RIC3: variants seen among roughly 807,000 people sequenced by gnomAD.
The protein encoded by RIC3 is RIC3 acetylcholine receptor chaperone, also known as protein RIC-3.
In RIC3, 28 loss-of-function variants were observed where a neutral mutation model predicts 27.3. The ratio of observed to expected loss-of-function variants is 1.02; its 90% CI spans 0.76 to 1.41. The LOEUF is 1.41. Among genes scored for constraint, RIC3 ranks in the 40% most tolerant of loss-of-function variants. The pLI is 0.00. For missense variants in RIC3, 501 were observed against 444.7 expected, an observed-to-expected ratio of 1.13 and a Z score of -1.14; for synonymous variants, 184 against 160.4, an observed-to-expected ratio of 1.15 and a Z score of -1.11.
chr11:8,111,589 T>G (rs909339166), intron 5 of RIC3, among the ~76,000 whole-genome samples: 5 of 152,176 alleles, frequency 3.3e-5, no homozygotes, highest in Admixed American at 2.6e-4. Context: ...CTAAGCTCTT[T>G]GAAAAATACA....
downstream of RIC3, chr11:8,101,433 T>C: frequency 6.2e-7 from 1 of 1,608,050 alleles, no homozygotes; most frequent in South Asian, 1.1e-5. Context: ...CTTCCCTGGC[T>C]CTACCATTCC....
At chr11:8,159,458 G>A (rs1020213635) in intron 1 of RIC3, among the ~76,000 whole-genome samples, 1 of 152,100 alleles carries the variant, frequency 6.6e-6, no homozygotes, top group Non-Finnish European at 1.5e-5. Flanking sequence ...GAGGAGGGGA[G>A]AGATGTGAGT....
the RIC3 span, among the ~76,000 whole-genome samples, chr11:8,096,367 G>T: frequency 6.6e-6 from 1 of 152,220 alleles, no homozygotes; most frequent in Non-Finnish European, 1.5e-5. Flanking sequence ...ATACACAAGA[G>T]ACAGTGGTAG....
At chr11:8,145,327 G>A (rs1949566770) in intron 1 of RIC3, among the ~76,000 whole-genome samples, 1 of 151,916 alleles carries the variant, frequency 6.6e-6, no homozygotes, top group African/African-American at 2.4e-5. Flanking sequence ...TTCTCTATGG[G>A]GCCATAAGGT....
chr11:8,165,189 A>G (rs1212036728), intron 1 of RIC3, among the ~76,000 whole-genome samples: 1 of 152,216 alleles, frequency 6.6e-6, no homozygotes, highest in Non-Finnish European at 1.5e-5. Flanking sequence ...TTCCAAATGT[A>G]TACACTCAAG....
chr11:8,094,141 G>A, the RIC3 span: 4 of 1,613,994 alleles, frequency 2.5e-6, no homozygotes, highest in Non-Finnish European at 3.4e-6. Context: ...AGCTACAGCA[G>A]GGGGCCAGGG....
downstream of RIC3, chr11:8,101,460 C>A: frequency 1.9e-6 from 2 of 1,028,946 alleles, no homozygotes; most frequent in East Asian, 9.2e-5. Flanking sequence ...GTCCTTTTCT[C>A]TGTCTGTGCC....
intron 1 of RIC3, among the ~76,000 whole-genome samples, chr11:8,146,669 T>C (rs1246844268): frequency 6.6e-6 from 1 of 151,004 alleles, no homozygotes; most frequent in Admixed American, 6.6e-5. Flanking sequence ...TAGAGAGACA[T>C]GAGACTTCAA....
Position 8,107,032 on chromosome 11 carries a change from A to G in RIC3, c.*3666T>C, listed in dbSNP as rs1944741262. 1 of 152,168 alleles carries G rather than the reference A, an allele frequency of 6.6e-6. No homozygotes were observed. 9.4% of individuals were successfully genotyped at this position (152,168 alleles called of 1,614,324 possible). A position where few individuals can be genotyped will look rare whatever the true frequency, so the allele number is the denominator to read the frequency against. On this transcript the variant is annotated 3_prime_UTR_variant, in exon 6 of 6. Coordinates refer to ENST00000309737, the MANE Select transcript of RIC3 (RefSeq NM_001206671.4). Reference sequence around the variant, plus strand: ...GTAAATAGAGCATTATTCCCAATTCATGGGGAAACTGGTTCTCTGAGAGGT... The same window carrying G: ...GTAAATAGAGCATTATTCCCAATTCGTGGGGAAACTGGTTCTCTGAGAGGT...
At chr11:8,131,114 A>C (rs1003145017) in intron 4 of RIC3, among the ~76,000 whole-genome samples, 1 of 111,300 alleles carries the variant, frequency 9.0e-6, no homozygotes, top group Non-Finnish European at 1.8e-5. Context: ...TCATTCACTC[A>C]CTCACTCACT....
chr11:8,158,614 A>G (rs921641786), intron 1 of RIC3, among the ~76,000 whole-genome samples: 1 of 151,296 alleles, frequency 6.6e-6, no homozygotes, highest in African/African-American at 2.4e-5. Context: ...TACTCTGATC[A>G]AAGAAGAAGC....
intron 1 of RIC3, among the ~76,000 whole-genome samples, chr11:8,144,602 C>T (rs1204172327): frequency 5.3e-5 from 8 of 151,760 alleles, no homozygotes; most frequent in Non-Finnish European, 1.2e-4. Context: ...CTAGTTCAAC[C>T]ATTGTGGAAG....
intron 1 of RIC3, among the ~76,000 whole-genome samples, chr11:8,151,916 CAA>C (rs541424394): frequency 4.6e-4 from 37 of 81,058 alleles, no homozygotes; most frequent in Admixed American, 4.2e-4. Flanking sequence ...GACTCGGTCT[CAA>C]AAAAAAAAAA....
intron 1 of RIC3, among the ~76,000 whole-genome samples, chr11:8,167,087 C>A (rs1222118133): frequency 6.6e-6 from 1 of 152,158 alleles, no homozygotes. Flanking sequence ...CTAGGTTATA[C>A]TACTTCAGTA....
chr11:8,128,879 C>T (rs111664026), intron 4 of RIC3, among the ~76,000 whole-genome samples: 6,295 of 151,396 alleles, frequency 0.042, 158 homozygotes, highest in Middle Eastern at 0.082. Flanking sequence ...CTCAGCCTCC[C>T]GCATAGCTGG....
chr11:8,145,254 AG>A (rs1185137896), intron 1 of RIC3, among the ~76,000 whole-genome samples: 19 of 152,144 alleles, frequency 1.2e-4, no homozygotes, highest in African/African-American at 4.6e-4. Context: ...AAAGAGAACT[AG>A]AAACTGGAAA....
intron 4 of RIC3, chr11:8,135,592 A>G (rs1948301589): frequency 6.6e-6 from 1 of 152,002 alleles, no homozygotes; most frequent in Admixed American, 6.6e-5. Flanking sequence ...CATTTTCACG[A>G]TATTGATTCT....
intron 4 of RIC3, 90 bp downstream of exon 4, chr11:8,137,288 T>A: frequency 5.4e-6 from 6 of 1,120,756 alleles, no homozygotes; most frequent in Non-Finnish European, 6.7e-6. Context: ...CCTCCCAAAG[T>A]GCTGGGATTA....
At chr11:8,163,021 A>ACACACACACG (rs2134319704) in intron 1 of RIC3, among the ~76,000 whole-genome samples, 1 of 122,906 alleles carries the variant, frequency 8.1e-6, no homozygotes, top group South Asian at 2.5e-4. Context: ...TTATTTAAAC[A>ACACACACACG]CACACACACA....
Sources: gnomAD v4.1 joint callset for allele counts (sites outside exome capture counted in the v4.1 genomes callset) on GRCh38, gnomAD v4.1.1 for gene constraint, MANE v1.5 for transcripts, NCBI Gene and HGNC (gene_info 2026-07-23, HGNC 2026-07-21) for gene names.